Variants in CSMD3 observed in about 807,000 individuals in gnomAD.
CSMD3 encodes the protein CUB and sushi domain-containing protein 3.
CSMD3 carries 177 observed loss-of-function variants against 435.2 expected under a neutral mutation model. The observed-to-expected ratio is 0.41, with a 90% confidence interval of 0.36 to 0.46. CSMD3 has a LOEUF of 0.46. Among genes scored for constraint, CSMD3 ranks in the 20% least tolerant of loss-of-function variants. CSMD3 has a pLI of 0.34. For missense variants in CSMD3, 4,265 were observed against 4,504.6 expected, an observed-to-expected ratio of 0.95 and a Z score of 1.52; for synonymous variants, 1,656 against 1,520.5, an observed-to-expected ratio of 1.09 and a Z score of -2.07.
At chr8:112,694,422 C>T (rs2076208207) in intron 13 of CSMD3, among the ~76,000 whole-genome samples, 1 of 152,060 alleles carries the variant, frequency 6.6e-6, no homozygotes, top group Non-Finnish European at 1.5e-5. Flanking sequence ...GTTCTCTTTT[C>T]ATTCTTAGTC....
intron 35 of CSMD3, among the ~76,000 whole-genome samples, chr8:112,402,646 T>C (rs1339463879): frequency 1.3e-5 from 2 of 152,082 alleles, no homozygotes; most frequent in Non-Finnish European, 2.9e-5. Flanking sequence ...ATATTAAAAG[T>C]GACACAGAAA....
In CSMD3 at chr8:112,684,991, G is replaced by A. The variant is rs185081652; in HGVS notation, c.2482+415C>T. 1.8e-4 allele frequency among the ~76,000 whole-genome samples: 28 copies of A among 152,194 alleles called. No individual in the cohort carries two copies. In the East Asian group the frequency reaches 3.3e-3, roughly 18 times the overall value. The stretch of plus-strand genomic sequence containing the variant: ...CTTTGGAATTTTAATTCTATGCCAT[G>A]ATTAGTTGTTTAATATCTATTGGTG... On this transcript the variant is annotated intron_variant, in intron 15 of 70. Transcript: ENST00000297405.
chr8:112,492,770 C>G, intron 30 of CSMD3, 87 bp from the exon 31 acceptor site: 1 of 1,059,650 alleles, frequency 9.4e-7, no homozygotes, highest in East Asian at 2.4e-5. Flanking sequence ...GTGGATTCAG[C>G]CAACTGCAGA....
At chr8:112,598,370 G>C (rs1355842163) in intron 22 of CSMD3, among the ~76,000 whole-genome samples, 1 of 151,362 alleles carries the variant, frequency 6.6e-6, no homozygotes, top group Non-Finnish European at 1.5e-5. Context: ...AATAAAAGAG[G>C]ATACAAACAA....
intron 5 of CSMD3, among the ~76,000 whole-genome samples, chr8:113,032,164 G>A (rs955120935): frequency 2.6e-5 from 4 of 151,626 alleles, no homozygotes; most frequent in South Asian, 2.1e-4. Flanking sequence ...CTAGTAGAGC[G>A]AGTTACTCCT....
chr8:113,211,080 T>C (rs2092829195), intron 3 of CSMD3, among the ~76,000 whole-genome samples: 1 of 152,096 alleles, frequency 6.6e-6, no homozygotes, highest in Non-Finnish European at 1.5e-5. Flanking sequence ...TTTTTCTACA[T>C]CTTAAACTTC....
chr8:113,073,122 C>A (rs1245639916), intron 5 of CSMD3, among the ~76,000 whole-genome samples: 1 of 151,750 alleles, frequency 6.6e-6, no homozygotes, highest in Non-Finnish European at 1.5e-5. Context: ...AGAACATGCA[C>A]ATTTATCCAT....
At position 113,108,352 on chromosome 8, in the gene CSMD3, C is replaced by T. The variant is rs568619354; in HGVS notation, c.710-9389G>A. Among the ~76,000 whole-genome samples, 36 of 150,396 alleles carry T rather than the reference C, an allele frequency of 2.4e-4. No individual in the cohort carries two copies. The South Asian group carries it at 2.5e-3, about 11-fold the overall frequency. The stretch of plus-strand genomic sequence containing the variant: ...CTGATGCAGGAGAATTGCTTGAACC[C>T]GGGAGGTGGAGGTTGCAATGAATCG... On this transcript the variant is annotated intron_variant, in intron 4 of 70. Transcript: ENST00000297405.
chr8:112,681,242 C>A (rs563255374), intron 16 of CSMD3, among the ~76,000 whole-genome samples: 1 of 151,112 alleles, frequency 6.6e-6, no homozygotes, highest in African/African-American at 2.4e-5. Context: ...TTAGTAGAGA[C>A]GGGGTTTCAT....
At chr8:112,372,589 C>G (rs985915080) in intron 38 of CSMD3, among the ~76,000 whole-genome samples, 1 of 152,166 alleles carries the variant, frequency 6.6e-6, no homozygotes, top group East Asian at 1.9e-4. Flanking sequence ...GTGGCTCATG[C>G]CTGTAATCTT....
At chr8:112,488,490 A>G (rs935627644) in intron 31 of CSMD3, among the ~76,000 whole-genome samples, 5 of 152,174 alleles carry the variant, frequency 3.3e-5, no homozygotes, top group African/African-American at 1.2e-4. Context: ...ATAAACAAAG[A>G]AAAAGTTTTG....
At chr8:112,731,766 A>G (rs2077079696) in intron 13 of CSMD3, among the ~76,000 whole-genome samples, 1 of 152,146 alleles carries the variant, frequency 6.6e-6, no homozygotes, top group African/African-American at 2.4e-5. Context: ...TTGCAGTAAT[A>G]TGCTCAATGA....
chr8:113,079,489 T>C (rs906779578), intron 5 of CSMD3, among the ~76,000 whole-genome samples: 1 of 152,090 alleles, frequency 6.6e-6, no homozygotes, highest in Non-Finnish European at 1.5e-5. Flanking sequence ...GAATATTATA[T>C]ATAGCTGCTA....
intron 32 of CSMD3, among the ~76,000 whole-genome samples, chr8:112,415,247 G>A (rs1811782363): frequency 1.3e-5 from 2 of 152,196 alleles, no homozygotes; most frequent in African/African-American, 4.8e-5. Context: ...ATGGTGCCCT[G>A]CACCCAGCTG....
intron 7 of CSMD3, among the ~76,000 whole-genome samples, chr8:112,965,140 T>A (rs2084369382): frequency 6.6e-6 from 1 of 151,970 alleles, no homozygotes; most frequent in Non-Finnish European, 1.5e-5. Flanking sequence ...TGCTTTGGCA[T>A]CAGCTTTGAG....
intron 32 of CSMD3, among the ~76,000 whole-genome samples, chr8:112,460,802 A>G (rs546661187): frequency 4.8e-4 from 73 of 152,232 alleles, no homozygotes; most frequent in South Asian, 1.5e-3. Flanking sequence ...ATTCCAGTTA[A>G]ATCTCTGTTC....
intron 3 of CSMD3, among the ~76,000 whole-genome samples, chr8:113,218,862 G>C (rs1197732372): frequency 6.6e-6 from 1 of 151,106 alleles, no homozygotes; most frequent in Admixed American, 6.6e-5. Context: ...TTGGGGATGG[G>C]ATCCAAGTCT....
At chr8:112,469,159 GCAAAAAAA>G (rs1563577215) in intron 32 of CSMD3, among the ~76,000 whole-genome samples, 2 of 49,996 alleles carry the variant, frequency 4.0e-5, no homozygotes, top group African/African-American at 2.3e-4. Flanking sequence ...TCTACACCAG[GCAAAAAAA>G]AAAAAAAAAA....
intron 13 of CSMD3, among the ~76,000 whole-genome samples, chr8:112,797,668 A>G (rs2078860206): frequency 6.6e-6 from 1 of 151,830 alleles, no homozygotes; most frequent in South Asian, 2.1e-4. Context: ...ATTTAGAACC[A>G]ACACACTACT....
Sources: allele counts gnomAD v4.1 joint callset (sites outside exome capture counted in the v4.1 genomes callset), GRCh38; gene constraint gnomAD v4.1.1; transcripts MANE v1.5; gene names NCBI Gene and HGNC (gene_info 2026-07-23, HGNC 2026-07-21).